ANKS1B: variants seen among roughly 807,000 people sequenced by gnomAD.
The protein encoded by ANKS1B is ankyrin repeat and sterile alpha motif domain-containing protein 1B.
A neutral mutation model predicts 148.3 loss-of-function variants in ANKS1B; 36 were observed. The observed-to-expected ratio is 0.24, with a 90% confidence interval of 0.19 to 0.32. The LOEUF is 0.32. ANKS1B is among the 10% of genes least tolerant of loss of function. The pLI is 1.00. For synonymous variants in ANKS1B, 542 were observed against 560.8 expected, an observed-to-expected ratio of 0.97 and a Z score of 0.47; for missense variants, 1,157 against 1,542.6, an observed-to-expected ratio of 0.75 and a Z score of 4.19.
intron 14 of ANKS1B, among the ~76,000 whole-genome samples, chr12:99,213,350 C>T (rs760344472): frequency 1.3e-5 from 2 of 152,216 alleles, no homozygotes; most frequent in South Asian, 2.1e-4. Context: ...TTGCTCATCA[C>T]TCACCTGCCT....
At chr12:99,707,470 ATCT>A (rs1250088790) in intron 8 of ANKS1B, among the ~76,000 whole-genome samples, 1 of 152,082 alleles carries the variant, frequency 6.6e-6, no homozygotes, top group East Asian at 1.9e-4. Flanking sequence ...CATAATAGAA[ATCT>A]TCTATTTAAT....
intron 11 of ANKS1B, among the ~76,000 whole-genome samples, chr12:99,431,278 G>T (rs1382826971): frequency 6.6e-6 from 1 of 152,090 alleles, no homozygotes; most frequent in African/African-American, 2.4e-5. Context: ...CATCTCACGT[G>T]GTTTCTCAAA....
At chr12:99,823,862 T>C (rs2082824081) in intron 2 of ANKS1B, among the ~76,000 whole-genome samples, 1 of 152,220 alleles carries the variant, frequency 6.6e-6, no homozygotes, top group Non-Finnish European at 1.5e-5. Context: ...CTCCATTGCT[T>C]ATTTGTTATC....
chr12:99,704,877 G>A (rs144044474), intron 8 of ANKS1B, among the ~76,000 whole-genome samples: 49 of 151,982 alleles, frequency 3.2e-4, no homozygotes, highest in African/African-American at 9.9e-4. Flanking sequence ...TGCCCAAAAC[G>A]TCATTAAAAT....
At chr12:99,836,860 G>A (rs1274876564) in intron 1 of ANKS1B, among the ~76,000 whole-genome samples, 1 of 152,136 alleles carries the variant, frequency 6.6e-6, no homozygotes, top group Non-Finnish European at 1.5e-5. Context: ...GGTGGCAATT[G>A]TTTTTCCTAT....
In ANKS1B at chr12:99,424,622, AACACAC is replaced by A. The variant is rs200308044; in HGVS notation, c.1575+19045_1575+19050del. Among the ~76,000 whole-genome samples, 205 of 147,464 alleles carry A rather than the reference AACACAC, an allele frequency of 1.4e-3. 1 individual carries two copies. The East Asian group carries it at 0.039, about 28-fold the overall frequency. ...TTTTTCCTCCTGTACAGGTAGCAGA[AACACAC>A]ACACACACACACACACACATACACA... On this transcript the variant is annotated intron_variant, in intron 11 of 26. Transcript: ENST00000683438.
intron 16 of ANKS1B, among the ~76,000 whole-genome samples, chr12:99,069,128 T>C (rs111761983): frequency 5.9e-5 from 9 of 152,294 alleles, no homozygotes; most frequent in African/African-American, 2.2e-4. Context: ...AATGAGCAAT[T>C]TGCTAATGAA....
At chr12:99,559,160 G>T (rs1042395532) in intron 9 of ANKS1B, among the ~76,000 whole-genome samples, 8 of 152,034 alleles carry the variant, frequency 5.3e-5, no homozygotes, top group Admixed American at 3.9e-4. Flanking sequence ...TGCTTAGAGT[G>T]TACCAGTCTT....
intron 1 of ANKS1B, among the ~76,000 whole-genome samples, chr12:99,954,693 T>C (rs1011016505): frequency 5.3e-5 from 8 of 152,106 alleles, no homozygotes; most frequent in Non-Finnish European, 8.8e-5. Flanking sequence ...CAGAAGCAAT[T>C]TTGCCTCCCA....
chr12:99,669,672 C>A (rs555256859), intron 8 of ANKS1B, among the ~76,000 whole-genome samples: 1 of 152,250 alleles, frequency 6.6e-6, no homozygotes, highest in African/African-American at 2.4e-5. Context: ...TTTCTGTCTT[C>A]ATGAAGTTTC....
chr12:99,002,338 CT>C (rs1469391460), intron 17 of ANKS1B, among the ~76,000 whole-genome samples: 1 of 152,154 alleles, frequency 6.6e-6, no homozygotes, highest in Non-Finnish European at 1.5e-5. Context: ...AGCTTTTTGT[CT>C]GTTAAACCCC....
At chr12:99,197,627 T>C (rs1347960689) in intron 14 of ANKS1B, among the ~76,000 whole-genome samples, 1 of 152,152 alleles carries the variant, frequency 6.6e-6, no homozygotes, top group Admixed American at 6.6e-5. Context: ...CAGATTCAGA[T>C]AACCAGAAAT....
At chr12:99,198,309 C>T (rs1200532353) in intron 14 of ANKS1B, among the ~76,000 whole-genome samples, 1 of 152,064 alleles carries the variant, frequency 6.6e-6, no homozygotes, top group Non-Finnish European at 1.5e-5. Flanking sequence ...TTAATAACTG[C>T]TTGTGTATGC....
At chr12:99,261,756 C>T (rs2075946079) in intron 12 of ANKS1B, among the ~76,000 whole-genome samples, 2 of 152,114 alleles carry the variant, frequency 1.3e-5, no homozygotes, top group Admixed American at 1.3e-4. Flanking sequence ...ACAGGCAATT[C>T]TCAACATAGA....
chr12:99,022,950 A>T (rs935283743), intron 17 of ANKS1B, among the ~76,000 whole-genome samples: 2 of 152,160 alleles, frequency 1.3e-5, no homozygotes, highest in Admixed American at 1.3e-4. Flanking sequence ...GAATTTTGTC[A>T]GATGTTCATA....
intron 12 of ANKS1B, among the ~76,000 whole-genome samples, chr12:99,307,066 A>C (rs2082451891): frequency 6.6e-6 from 1 of 152,110 alleles, no homozygotes; most frequent in Admixed American, 6.6e-5. Flanking sequence ...CTTAAGGTCA[A>C]TTAAAATGCA....
At chr12:99,893,181 C>T (rs1476061519) in intron 1 of ANKS1B, among the ~76,000 whole-genome samples, 11 of 151,842 alleles carry the variant, frequency 7.2e-5, no homozygotes, top group Admixed American at 2.0e-4. Context: ...GAGGCCGAGG[C>T]GGGCAGATCA....
At position 99,470,998 on chromosome 12, in the gene ANKS1B, T is replaced by C. The variant is rs893650948; in HGVS notation, c.1439-27189A>G. Among the ~76,000 whole-genome samples the C allele has an allele frequency of 4.6e-5, 7 of 152,256 alleles. No individual in the cohort carries two copies. In the East Asian group the frequency reaches 1.2e-3, roughly 25 times the overall value. On this transcript the variant is annotated intron_variant, in intron 10 of 26. Transcript: ENST00000683438. ...TCTTACATGTTATAAAAGGAATACA[T>C]TGTATGGAATTACAATTTATTTAGA... is the stretch of plus-strand genomic sequence containing the variant.
rs551028786 is a variant in ANKS1B at position 98,744,854 on chromosome 12, A to T, written c.*885T>A. The T allele has an allele frequency of 1.1e-5, 11 of 985,458 alleles. No individual in the cohort carries two copies. The allele number at this position is 985,458 out of a possible 1,614,324, so 61.0% of individuals were successfully genotyped here. Reference sequence around the variant, plus strand: ...GTGAAGATTAAAAAACAATCTTGGCAGGCTGATGGCTGCGTCAGCACTTCC... The same window carrying T: ...GTGAAGATTAAAAAACAATCTTGGCTGGCTGATGGCTGCGTCAGCACTTCC... On this transcript the variant is annotated 3_prime_UTR_variant, in exon 27 of 27. Transcript: ENST00000683438.
Sources: gnomAD v4.1 joint callset for allele counts (sites outside exome capture counted in the v4.1 genomes callset) on GRCh38, gnomAD v4.1.1 for gene constraint, MANE v1.5 for transcripts, NCBI Gene and HGNC (gene_info 2026-07-23, HGNC 2026-07-21) for gene names.